Variants in NPAS3 observed in about 807,000 individuals in gnomAD.
NPAS3 encodes neuronal PAS domain-containing protein 3.
Under a neutral mutation model 73.1 loss-of-function variants are expected in NPAS3, and 14 were observed. The ratio of observed to expected loss-of-function variants is 0.19; its 90% CI spans 0.13 to 0.30. The LOEUF is 0.30. Ranked by LOEUF, NPAS3 falls within the 10% of genes least tolerant of loss-of-function variation. NPAS3 has a pLI of 1.00. For missense variants in NPAS3, 1,096 were observed against 1,250.0 expected, an observed-to-expected ratio of 0.88 and a Z score of 1.86; for synonymous variants, 620 against 541.5, an observed-to-expected ratio of 1.14 and a Z score of -2.01.
intron 5 of NPAS3, among the ~76,000 whole-genome samples, chr14:33,642,085 T>C (rs2058689592): frequency 6.6e-6 from 1 of 152,146 alleles, no homozygotes; most frequent in Non-Finnish European, 1.5e-5. Flanking sequence ...AAAAGCCTAT[T>C]TATAATTCTA....
At position 33,572,341 on chromosome 14, in the gene NPAS3, C is replaced by T. The variant is rs567450449; in HGVS notation, c.558+12131C>T. ...TTAGAACAAGAAAGAAAGGAAAGGA[C>T]GCTTGGAAGAAGCCCAAGCAGGTGA... On this transcript the variant is annotated intron_variant, in intron 5 of 11. Coordinates refer to ENST00000356141, the Ensembl canonical transcript of NPAS3. 1.6e-4 allele frequency among the ~76,000 whole-genome samples: 25 copies of T among 152,212 alleles called. No homozygotes were observed. In the South Asian group the frequency reaches 1.7e-3, roughly 10 times the overall value.
chr14:33,539,412 C>T (rs1467749821), intron 4 of NPAS3, among the ~76,000 whole-genome samples: 5 of 151,956 alleles, frequency 3.3e-5, no homozygotes, highest in Admixed American at 6.6e-5. Context: ...CAAAACTGTA[C>T]GGCAAACAGG....
At chr14:33,404,335 G>C (rs557809540) in intron 4 of NPAS3, among the ~76,000 whole-genome samples, 15 of 152,058 alleles carry the variant, frequency 9.9e-5, no homozygotes, top group African/African-American at 3.4e-4. Flanking sequence ...TACTTTTTTG[G>C]CTTTGGAAGG....
rs529878052 is a variant in NPAS3 at position 33,270,705 on chromosome 14, C to G, written c.385+55279C>G. 9.9e-5 allele frequency among the ~76,000 whole-genome samples: 15 copies of G among 152,238 alleles called. No homozygotes were observed. The East Asian group carries it at 2.9e-3, about 29-fold the overall frequency. On this transcript the variant is annotated intron_variant, in intron 3 of 11. Transcript: ENST00000356141. ...GTAATTAAAGAACAGCTTTGGTTTT[C>G]TTTTTTGTTTTTTAAAATAACTTTG...
At chr14:32,984,313 T>C (rs542960628) in intron 1 of NPAS3, among the ~76,000 whole-genome samples, 1 of 152,206 alleles carries the variant, frequency 6.6e-6, no homozygotes, top group Non-Finnish European at 1.5e-5. Flanking sequence ...TCCACTTAGA[T>C]TGGAGCAATG....
At chr14:33,177,071 T>TTTATTATTATTATTA (rs58286290) in intron 2 of NPAS3, among the ~76,000 whole-genome samples, 1,504 of 138,276 alleles carry the variant, frequency 0.011, 22 homozygotes, top group African/African-American at 0.014. Context: ...TGTTTATCTT[T>TTTATTATTATTATTA]TTATTATTAT....
At chr14:33,501,626 A>G (rs17101344) in intron 4 of NPAS3, among the ~76,000 whole-genome samples, 33,587 of 144,740 alleles carry the variant, frequency 0.23, 4,582 homozygotes, top group East Asian at 0.47. Context: ...TAGAATCTGG[A>G]TTTGTTTTTT....
chr14:33,056,776 AG>A (rs1463934503), intron 2 of NPAS3, among the ~76,000 whole-genome samples: 1 of 152,240 alleles, frequency 6.6e-6, no homozygotes, highest in African/African-American at 2.4e-5. Context: ...TTTCCATAAA[AG>A]TTATGAAATA....
At chr14:32,952,419 C>G (rs2036519472) in intron 1 of NPAS3, among the ~76,000 whole-genome samples, 1 of 151,894 alleles carries the variant, frequency 6.6e-6, no homozygotes, top group Admixed American at 6.6e-5. Context: ...TAGGGGTGAA[C>G]TTTATTTGAA....
At chr14:33,574,794 G>A (rs934543609) in intron 5 of NPAS3, among the ~76,000 whole-genome samples, 1 of 152,140 alleles carries the variant, frequency 6.6e-6, no homozygotes, top group African/African-American at 2.4e-5. Flanking sequence ...AATAAGTAGG[G>A]TTATCTCTTC....
intron 5 of NPAS3, among the ~76,000 whole-genome samples, chr14:33,609,037 G>A (rs2057666728): frequency 6.6e-6 from 1 of 152,110 alleles, no homozygotes; most frequent in Non-Finnish European, 1.5e-5. Context: ...TTTTTTAAAT[G>A]TTGTTCATCT....
intron 3 of NPAS3, among the ~76,000 whole-genome samples, chr14:33,298,417 G>T (rs2042393388): frequency 6.6e-6 from 1 of 152,156 alleles, no homozygotes; most frequent in South Asian, 2.1e-4. Flanking sequence ...TTCAGATTGT[G>T]CTGGGATAAA....
At chr14:33,279,194 C>T (rs1255642439) in intron 3 of NPAS3, among the ~76,000 whole-genome samples, 2 of 152,142 alleles carry the variant, frequency 1.3e-5, no homozygotes, top group East Asian at 3.9e-4. Context: ...CTGGTGGTTC[C>T]GGGACCATAC....
At chr14:33,374,017 A>T (rs1367977633) in intron 4 of NPAS3, among the ~76,000 whole-genome samples, 6 of 152,084 alleles carry the variant, frequency 3.9e-5, no homozygotes, top group Non-Finnish European at 7.4e-5. Context: ...CAGGACACAA[A>T]TGTGTCCTGT....
chr14:32,955,960 T>C (rs1265797371), intron 1 of NPAS3, among the ~76,000 whole-genome samples: 2 of 152,112 alleles, frequency 1.3e-5, no homozygotes, highest in Non-Finnish European at 2.9e-5. Context: ...TCCCTGAAGA[T>C]TATACCCCTG....
chr14:33,625,451 C>T (rs7150033), intron 5 of NPAS3, among the ~76,000 whole-genome samples: 2 of 152,024 alleles, frequency 1.3e-5, no homozygotes, highest in East Asian at 1.9e-4. Context: ...CCTTTGAAGA[C>T]GCTGCAGGAG....
At chr14:32,946,185 G>A (rs978643464) in intron 1 of NPAS3, among the ~76,000 whole-genome samples, 4 of 152,186 alleles carry the variant, frequency 2.6e-5, no homozygotes, top group Non-Finnish European at 5.9e-5. Flanking sequence ...AATAATGGCA[G>A]CAAGCATTTA....
intron 4 of NPAS3, among the ~76,000 whole-genome samples, chr14:33,380,616 AAAG>A (rs996470909): frequency 7.9e-5 from 12 of 152,336 alleles, no homozygotes; most frequent in African/African-American, 2.6e-4. Context: ...GTGTCTAAGA[AAAG>A]AAAATGTCAT....
At chr14:33,445,470 C>T (rs1165031592) in intron 4 of NPAS3, among the ~76,000 whole-genome samples, 1 of 152,204 alleles carries the variant, frequency 6.6e-6, no homozygotes, top group Non-Finnish European at 1.5e-5. Context: ...ATCTCACATA[C>T]ACATTTCCTG....
Sources: gnomAD v4.1 joint callset for allele counts (sites outside exome capture counted in the v4.1 genomes callset) on GRCh38, gnomAD v4.1.1 for gene constraint, MANE v1.5 for transcripts, NCBI Gene and HGNC (gene_info 2026-07-23, HGNC 2026-07-21) for gene names.